The following BICDL1 variants were observed in gnomAD, a reference collection of about 807,000 sequenced individuals.
The protein encoded by BICDL1 is BICD family-like cargo adapter 1.
A neutral mutation model predicts 76.8 loss-of-function variants in BICDL1; 20 were observed. That is an observed-to-expected ratio of 0.26 (90% CI 0.18 to 0.38). BICDL1 has a LOEUF of 0.38. Ranked by LOEUF, BICDL1 falls within the 10% of genes least tolerant of loss-of-function variation. BICDL1 has a pLI of 1.00. For missense variants in BICDL1, 700 were observed against 798.6 expected, an observed-to-expected ratio of 0.88 and a Z score of 1.49; for synonymous variants, 383 against 337.1, an observed-to-expected ratio of 1.14 and a Z score of -1.49.
At chr12:120,011,085 T>A (rs529926193) in intron 2 of BICDL1, among the ~76,000 whole-genome samples, 1 of 152,312 alleles carries the variant, frequency 6.6e-6, no homozygotes. Context: ...GGTCAGTGGC[T>A]CTTAGTTCAG....
At chr12:120,007,179 G>A (rs1271625706) in intron 2 of BICDL1, among the ~76,000 whole-genome samples, 1 of 152,198 alleles carries the variant, frequency 6.6e-6, no homozygotes, top group Non-Finnish European at 1.5e-5. Context: ...CTAGAGGAAG[G>A]AAAGAGGGAT....
intron 1 of BICDL1, among the ~76,000 whole-genome samples, chr12:119,991,136 T>C (rs1229080380): frequency 6.6e-6 from 1 of 152,116 alleles, no homozygotes; most frequent in Non-Finnish European, 1.5e-5. Context: ...TTCTAAAAAT[T>C]AGATTGCAAA....
At chr12:119,999,114 C>T (rs761385866) in intron 2 of BICDL1, among the ~76,000 whole-genome samples, 13 of 148,964 alleles carry the variant, frequency 8.7e-5, no homozygotes, top group Non-Finnish European at 1.8e-4. Context: ...TAATGTGAGT[C>T]ATATAGATGA....
intron 2 of BICDL1, among the ~76,000 whole-genome samples, chr12:120,023,481 C>T (rs1265859552): frequency 2.0e-5 from 3 of 152,136 alleles, no homozygotes; most frequent in Non-Finnish European, 4.4e-5. Flanking sequence ...CAATGTCTGA[C>T]ATCCAATCAA....
chr12:120,030,406 A>AT, intron 2 of BICDL1, among the ~76,000 whole-genome samples: 1 of 152,168 alleles, frequency 6.6e-6, no homozygotes, highest in East Asian at 1.9e-4. Flanking sequence ...TCCTGAAGAG[A>AT]TGGGTGTATT....
In BICDL1 at chr12:119,989,987, C is replaced by T; in HGVS notation, c.119C>T (p.Ala40Val). Reference sequence around the variant, plus strand: ...GACGCAGTCCGGAGTCCCGCCGCCGCCGCCGCCCTCATCTTCCCCGGGGGC... The same window carrying T: ...GACGCAGTCCGGAGTCCCGCCGCCGTCGCCGCCCTCATCTTCCCCGGGGGC... ...AGDAVRSPAA[A>V]AALIFPGGSG... The change falls in exon 1 of 10, where the codon GCC becomes GTC. Residue 40 changes from alanine (A) to valine (V), a missense_variant. Coordinates refer to ENST00000548673, the MANE Select transcript of BICDL1 (RefSeq NM_001367886.1). 6.8e-7 allele frequency: 1 copy of T among 1,474,472 alleles called. No individual in the cohort carries two copies. The highest frequency in any genetic ancestry group is 8.9e-7 in the Non-Finnish European group (1 of 1,126,744). The allele number at this position is 1,474,472 out of a possible 1,614,324, so 91.3% of individuals were successfully genotyped here.
At chr12:119,994,909 TC>T (rs1353970460) in intron 1 of BICDL1, among the ~76,000 whole-genome samples, 6 of 152,214 alleles carry the variant, frequency 3.9e-5, no homozygotes, top group Non-Finnish European at 8.8e-5. Flanking sequence ...GTATGGTACA[TC>T]CGCCATAATT....
rs1358987309 is a variant in BICDL1 at position 120,071,714 on chromosome 12, G to T, written c.1002G>T (p.Leu334=). Residue 334 remains leucine (L), a synonymous_variant, in exon 5 of 10, where the codon CTG becomes CTT. Coordinates refer to ENST00000548673, the MANE Select transcript of BICDL1 (RefSeq NM_001367886.1). The surrounding 1 kb of genome is among the most constrained non-coding windows in gnomAD (Gnocchi z 4.8). ...KVEELTEERS[L]QSSAATSTSL... ...AAGAACTCACTGAGGAGAGGAGTCT[G>T]CAGAGCTCTGCCGCCACCAGCACAT... 1.2e-6 allele frequency: 2 copies of T among 1,612,434 alleles called. No individual in the cohort carries two copies. The highest frequency in any genetic ancestry group is 2.2e-5 in the South Asian group (2 of 90,894).
intron 2 of BICDL1, among the ~76,000 whole-genome samples, chr12:120,014,490 G>A (rs921781025): frequency 1.3e-5 from 2 of 152,138 alleles, no homozygotes; most frequent in African/African-American, 2.4e-5. Context: ...TCAGGAGATC[G>A]AGACCATCCT....
At chr12:120,078,191 C>T (rs1355707348) in intron 7 of BICDL1, among the ~76,000 whole-genome samples, 1 of 152,188 alleles carries the variant, frequency 6.6e-6, no homozygotes, top group African/African-American at 2.4e-5. Flanking sequence ...CATGGAGCAC[C>T]CCTGTCTCTG....
At chr12:120,056,199 CT>C (rs968556729) in intron 2 of BICDL1, among the ~76,000 whole-genome samples, 1 of 151,974 alleles carries the variant, frequency 6.6e-6, no homozygotes, top group Non-Finnish European at 1.5e-5. Context: ...GTTTTCTTTA[CT>C]TTTTTTTACT....
intron 2 of BICDL1, among the ~76,000 whole-genome samples, chr12:120,046,029 A>G (rs1028482334): frequency 1.3e-5 from 2 of 152,144 alleles, no homozygotes; most frequent in Non-Finnish European, 2.9e-5. Context: ...CAAGGTGGAC[A>G]TGTTCTTAGG....
Position 120,061,742 on chromosome 12 carries a change from G to A in BICDL1, c.678G>A (p.Gln226=). The A allele has an allele frequency of 6.2e-7, 1 of 1,614,188 alleles. No individual in the cohort carries two copies. Among genetic ancestry groups the A allele is most frequent in the Non-Finnish European group, 8.5e-7 (1 of 1,179,992 alleles). ...AAGTTGAGAGACAACTCTCCATGCA[G>A]GTCCACGCCCTCAGAGAAGACTTTC... ...ASEVERQLSM[Q]VHALREDFRE... is the part of the protein sequence containing the mutation. The change falls in exon 3 of 10, where the codon CAG becomes CAA. Residue 226 remains glutamine (Q), a synonymous_variant. Coordinates refer to ENST00000548673, the MANE Select transcript of BICDL1 (RefSeq NM_001367886.1).
rs1029439878 is a variant in BICDL1, at chr12:120,093,246, A to C, written c.*85A>C. 30 of 1,449,598 alleles carry C rather than the reference A, an allele frequency of 2.1e-5. No homozygotes were observed. Among genetic ancestry groups the C allele is most frequent in the Middle Eastern group, 2.3e-4 (1 of 4,432 alleles). The allele number at this position is 1,449,598 out of a possible 1,614,324, so 89.8% of individuals were successfully genotyped here. ...AGGCAAGGCCTCCCCTGCAGCTTGC[A>C]CCTCAGCAGCTGCCCTGCCCCTCAT... On this transcript the variant is annotated 3_prime_UTR_variant, in exon 10 of 10. Coordinates refer to ENST00000548673, the MANE Select transcript of BICDL1 (RefSeq NM_001367886.1).
At chr12:120,081,692 T>A (rs1350401978) in intron 8 of BICDL1, among the ~76,000 whole-genome samples, 2 of 151,946 alleles carry the variant, frequency 1.3e-5, no homozygotes, top group Non-Finnish European at 1.5e-5. Flanking sequence ...CTTTTTTTTT[T>A]AGTTTTTTTG....
intron 8 of BICDL1, among the ~76,000 whole-genome samples, chr12:120,081,364 T>C (rs1315036055): frequency 6.7e-6 from 1 of 150,260 alleles, no homozygotes; most frequent in East Asian, 1.9e-4. Context: ...TTTTTTTTTT[T>C]TTTTGAGACG....
intron 7 of BICDL1, 154 bp from the exon 8 acceptor site, chr12:120,080,733 C>T: frequency 1.5e-6 from 1 of 659,644 alleles, no homozygotes; most frequent in East Asian, 3.1e-5. Context: ...AGAGACAGGC[C>T]CTCTCTTGAA....
chr12:120,076,697 A>G (rs1053409053), intron 7 of BICDL1, among the ~76,000 whole-genome samples: 5 of 152,210 alleles, frequency 3.3e-5, no homozygotes, highest in African/African-American at 1.2e-4. Flanking sequence ...TCTGTAGGCC[A>G]TCTCTTCCCA....
intron 3 of BICDL1, among the ~76,000 whole-genome samples, chr12:120,062,800 T>A (rs1283213370): frequency 6.6e-6 from 1 of 152,196 alleles, no homozygotes; most frequent in African/African-American, 2.4e-5. Context: ...TTGGCATGCC[T>A]GTGTGTGACC....
Sources: allele counts gnomAD v4.1 joint callset (sites outside exome capture counted in the v4.1 genomes callset), GRCh38; gene constraint gnomAD v4.1.1; non-coding constraint Gnocchi (gnomAD v3.1); transcripts MANE v1.5; gene names NCBI Gene and HGNC (gene_info 2026-07-23, HGNC 2026-07-21).